The following GADL1 variants were observed in gnomAD, a reference collection of about 807,000 sequenced individuals.
GADL1 encodes acidic amino acid decarboxylase GADL1.
In GADL1, 71 loss-of-function variants were observed where a neutral mutation model predicts 69.5. That is an observed-to-expected ratio of 1.02 (90% confidence interval 0.84 to 1.25). The LOEUF is 1.25. GADL1 is among the 50% of genes most tolerant of loss of function. The probability of loss-of-function intolerance (pLI) is 0.00; values close to 1 mark genes in which losing one functional copy is unlikely to be tolerated. For synonymous variants in GADL1, 254 were observed against 214.4 expected (o/e 1.18, Z -1.62); for missense variants, 737 against 631.8 (o/e 1.17, Z -1.79).
At chr3:30,865,296 TA>T (rs1473246825) in intron 1 of GADL1, among the ~76,000 whole-genome samples, 1 of 140,644 alleles carries the variant, frequency 7.1e-6, no homozygotes, top group African/African-American at 2.5e-5. Flanking sequence ...TATATATATA[TA>T]TATATATATT....
intron 9 of GADL1, among the ~76,000 whole-genome samples, chr3:30,836,900 A>G (rs1046469523): frequency 5.9e-5 from 9 of 152,044 alleles, no homozygotes; most frequent in African/African-American, 2.2e-4. Context: ...AAAGAGTCTA[A>G]TAAAACTAGT....
intron 8 of GADL1, among the ~76,000 whole-genome samples, chr3:30,843,133 G>A (rs1697995468): frequency 6.6e-6 from 1 of 152,106 alleles, no homozygotes; most frequent in African/African-American, 2.4e-5. Flanking sequence ...GCTACCTATT[G>A]GAAGGTTATT....
chr3:30,880,553 G>A (rs1384667311), intron 1 of GADL1, among the ~76,000 whole-genome samples: 1 of 151,934 alleles, frequency 6.6e-6, no homozygotes, highest in East Asian at 1.9e-4. Flanking sequence ...TGCCATGATT[G>A]TGAGGCCTCC....
chr3:30,743,229 C>T (rs1489967500), intron 14 of GADL1, among the ~76,000 whole-genome samples: 1 of 152,142 alleles, frequency 6.6e-6, no homozygotes, highest in Non-Finnish European at 1.5e-5. Context: ...ATGCATTTAA[C>T]AGGCAACTTT....
In GADL1 at chr3:30,841,079, A is replaced by T. The variant is rs531776441; in HGVS notation, c.787-1966T>A. Among the ~76,000 whole-genome samples the T allele has an allele frequency of 3.3e-5, 5 of 152,324 alleles. No homozygotes were observed. In the East Asian group the frequency reaches 7.7e-4, roughly 24 times the overall value. On this transcript the variant is annotated intron_variant, in intron 8 of 14. Coordinates refer to ENST00000282538, the MANE Select transcript of GADL1 (RefSeq NM_207359.3). The stretch of plus-strand genomic sequence containing the variant: ...GGAGTTGAATCCCAGCAGAAAAAAT[A>T]GTTGATGGTACTATTCCTCATATCT...
chr3:30,737,309 A>G (rs1180020847), intron 14 of GADL1, among the ~76,000 whole-genome samples: 1 of 152,118 alleles, frequency 6.6e-6, no homozygotes, highest in Non-Finnish European at 1.5e-5. Flanking sequence ...AGAAGAGGGG[A>G]GAGGAAATTG....
At chr3:30,789,120 C>CT (rs1305397443) in intron 12 of GADL1, among the ~76,000 whole-genome samples, 1 of 152,184 alleles carries the variant, frequency 6.6e-6, no homozygotes, top group Non-Finnish European at 1.5e-5. Flanking sequence ...GATATCACGG[C>CT]TATAGCCTTA....
At chr3:30,805,150 C>T (rs1358322501) in intron 11 of GADL1, among the ~76,000 whole-genome samples, 4 of 152,176 alleles carry the variant, frequency 2.6e-5, no homozygotes, top group East Asian at 1.9e-4. Flanking sequence ...TGTAATAACT[C>T]ACTTAAATTT....
chr3:30,744,736 A>G (rs887579191), intron 14 of GADL1, among the ~76,000 whole-genome samples: 1 of 152,134 alleles, frequency 6.6e-6, no homozygotes, highest in Non-Finnish European at 1.5e-5. Context: ...AAAAAGCTAC[A>G]TAGTAAATAT....
At chr3:30,736,752 A>C (rs1276075747) in intron 14 of GADL1, among the ~76,000 whole-genome samples, 2 of 152,218 alleles carry the variant, frequency 1.3e-5, no homozygotes, top group Non-Finnish European at 2.9e-5. Context: ...ACGTTGATAA[A>C]GTCAACTTAC....
At chr3:30,765,914 C>T (rs1177483178) in intron 14 of GADL1, among the ~76,000 whole-genome samples, 1 of 151,552 alleles carries the variant, frequency 6.6e-6, no homozygotes, top group Non-Finnish European at 1.5e-5. Context: ...ACTCCCCTCC[C>T]AAATATTGCT....
At chr3:30,805,412 C>G (rs1171807786) in intron 11 of GADL1, among the ~76,000 whole-genome samples, 2 of 152,060 alleles carry the variant, frequency 1.3e-5, no homozygotes, top group Admixed American at 1.3e-4. Flanking sequence ...AGAGAGAACA[C>G]TGAGCTAGAG....
chr3:30,878,532 T>C (rs1698605282), intron 1 of GADL1, among the ~76,000 whole-genome samples: 1 of 151,942 alleles, frequency 6.6e-6, no homozygotes, highest in South Asian at 2.1e-4. Context: ...AATTATAATA[T>C]GACTGATAGA....
At chr3:30,874,300 G>A (rs1028398317) in intron 1 of GADL1, among the ~76,000 whole-genome samples, 1 of 151,952 alleles carries the variant, frequency 6.6e-6, no homozygotes, top group African/African-American at 2.4e-5. Flanking sequence ...AGTGGCAAAT[G>A]CAGGTGCCCT....
At chr3:30,827,648 G>A (rs924516509) in intron 11 of GADL1, among the ~76,000 whole-genome samples, 1 of 151,856 alleles carries the variant, frequency 6.6e-6, no homozygotes, top group Non-Finnish European at 1.5e-5. Context: ...GATTACTGAT[G>A]AAATCGTTTT....
chr3:30,827,201 G>A (rs956576664), intron 11 of GADL1, among the ~76,000 whole-genome samples: 27 of 150,758 alleles, frequency 1.8e-4, no homozygotes, highest in Non-Finnish European at 8.9e-5. Flanking sequence ...ATTAACTGAG[G>A]CTTGGGTTTT....
At chr3:30,785,832 A>C (rs1477688118) in intron 13 of GADL1, among the ~76,000 whole-genome samples, 1 of 152,164 alleles carries the variant, frequency 6.6e-6, no homozygotes, top group Non-Finnish European at 1.5e-5. Flanking sequence ...AAATATTTAT[A>C]TTTTCTAAAC....
intron 14 of GADL1, among the ~76,000 whole-genome samples, chr3:30,744,882 GTGTTTTGCCTGTAGGCTGACCCT>G (rs1695678461): frequency 6.6e-6 from 1 of 152,198 alleles, no homozygotes; most frequent in African/African-American, 2.4e-5. Context: ...ACAATGGGAT[GTGTTTTGCCTGTAGGCTGACCCT>G]TGTTGTAGAA....
Position 30,727,125 on chromosome 3 carries a change from G to GTA in GADL1, c.*1115_*1116dup, listed in dbSNP as rs901355381. ...TATACACACACATATGTATGTGTGT[G>GTA]TATATATATACATATATATGTATAT... is the stretch of plus-strand genomic sequence containing the variant. On this transcript the variant is annotated 3_prime_UTR_variant, in exon 15 of 15. Coordinates refer to ENST00000282538, the MANE Select transcript of GADL1 (RefSeq NM_207359.3). 4.7e-5 allele frequency: 7 copies of GTA among 149,576 alleles called. No homozygotes were observed. The highest frequency in any genetic ancestry group is 2.1e-4 in the South Asian group (1 of 4,722). 9.3% of individuals were successfully genotyped at this position (149,576 alleles called of 1,614,324 possible). A position where few individuals can be genotyped will look rare whatever the true frequency, so the allele number is the denominator to read the frequency against.
Sources: allele counts gnomAD v4.1 joint callset (sites outside exome capture counted in the v4.1 genomes callset), GRCh38; gene constraint gnomAD v4.1.1; transcripts MANE v1.5; gene names NCBI Gene and HGNC (gene_info 2026-07-23, HGNC 2026-07-21).